Variants in PHACTR4 observed in about 807,000 individuals in gnomAD.
PHACTR4 encodes protein phosphatase 1, regulatory subunit 124.
PHACTR4 carries 51 observed loss-of-function variants against 72.7 expected under a neutral mutation model. The ratio of observed to expected loss-of-function variants is 0.70; its 90% CI spans 0.56 to 0.89. The LOEUF (loss-of-function observed/expected upper bound fraction) is 0.89. Ranked by LOEUF, PHACTR4 falls within the 40% of genes least tolerant of loss-of-function variation. The pLI is 0.00. For missense variants in PHACTR4, 731 were observed against 861.8 expected (o/e 0.85, Z 1.90); for synonymous variants, 255 against 302.5 (o/e 0.84, Z 1.63).
chr1:28,450,180 C>T (rs1298024522), intron 2 of PHACTR4, among the ~76,000 whole-genome samples: 1 of 152,078 alleles, frequency 6.6e-6, no homozygotes, highest in East Asian at 1.9e-4. Flanking sequence ...TTCCTAATGG[C>T]CTGTAGCTAC....
chr1:28,453,900 T>C (rs993042588), intron 2 of PHACTR4: 11 of 810,642 alleles, frequency 1.4e-5, no homozygotes, highest in Non-Finnish European at 2.0e-5. Flanking sequence ...GGACCCTGGA[T>C]GTAATTCAGG....
At chr1:28,409,910 C>T (rs1016817762) in intron 2 of PHACTR4, among the ~76,000 whole-genome samples, 2 of 148,540 alleles carry the variant, frequency 1.3e-5, no homozygotes, top group Non-Finnish European at 1.5e-5. Flanking sequence ...TAGATCCATC[C>T]TTAGTTTGAA....
chr1:28,415,655 A>G (rs539190736), intron 2 of PHACTR4, among the ~76,000 whole-genome samples: 1 of 152,342 alleles, frequency 6.6e-6, no homozygotes, highest in East Asian at 1.9e-4. Context: ...TTGTATAAAT[A>G]TGAACATGAC....
In PHACTR4 at chr1:28,420,274, C is replaced by T. The variant is rs191867608; in HGVS notation, c.16+12811C>T. On this transcript the variant is annotated intron_variant, in intron 2 of 13. Coordinates refer to ENST00000373839, the MANE Select transcript of PHACTR4 (RefSeq NM_001048183.3). ...AACCCCATAATGCCTATCATCCCCA[C>T]GTGTCAAGGTAGAGACCAGGTGGAG... Among the ~76,000 whole-genome samples, 70 of 152,206 alleles carry T rather than the reference C, an allele frequency of 4.6e-4. 1 individual carries two copies. The highest frequency in any genetic ancestry group is 1.5e-3 in the African/African-American group (64 of 41,546).
intron 1 of PHACTR4, among the ~76,000 whole-genome samples, chr1:28,390,195 C>T (rs1294970160): frequency 6.6e-6 from 1 of 152,084 alleles, no homozygotes; most frequent in Non-Finnish European, 1.5e-5. Context: ...GGCTGGAGTA[C>T]GGTGGCTATT....
chr1:28,375,198 C>T (rs1037508871), intron 1 of PHACTR4, among the ~76,000 whole-genome samples: 4 of 152,096 alleles, frequency 2.6e-5, no homozygotes, highest in Non-Finnish European at 5.9e-5. Context: ...ACTTGGGAGG[C>T]TGAGGCATGA....
At chr1:28,398,882 A>G (rs1653737032) in intron 1 of PHACTR4, among the ~76,000 whole-genome samples, 1 of 152,086 alleles carries the variant, frequency 6.6e-6, no homozygotes, top group Non-Finnish European at 1.5e-5. Context: ...TTTTGAGGCA[A>G]TAGTTTTATC....
chr1:28,458,619 A>G (rs1186580724), intron 2 of PHACTR4, among the ~76,000 whole-genome samples: 1 of 152,176 alleles, frequency 6.6e-6, no homozygotes, highest in African/African-American at 2.4e-5. Flanking sequence ...TAATTTGATG[A>G]GCAGATATAA....
At chr1:28,478,005 A>G (rs955304626) in intron 8 of PHACTR4, among the ~76,000 whole-genome samples, 4 of 151,904 alleles carry the variant, frequency 2.6e-5, no homozygotes, top group Non-Finnish European at 5.9e-5. Context: ...TATTTCTTCT[A>G]TCTAATTCTG....
At chr1:28,447,744 G>A (rs1657588183) in intron 2 of PHACTR4, among the ~76,000 whole-genome samples, 1 of 152,108 alleles carries the variant, frequency 6.6e-6, no homozygotes, top group Non-Finnish European at 1.5e-5. Context: ...ATCATAGGCA[G>A]AAAACTATTT....
chr1:28,396,845 C>CTTTTCTTTT (rs1653543925), intron 1 of PHACTR4, among the ~76,000 whole-genome samples: 2 of 119,666 alleles, frequency 1.7e-5, no homozygotes, highest in African/African-American at 6.5e-5. Flanking sequence ...TTCTTTCTTT[C>CTTTTCTTTT]TTTTTTTTTT....
chr1:28,404,317 C>G (rs1046194989), intron 1 of PHACTR4, among the ~76,000 whole-genome samples: 2 of 121,922 alleles, frequency 1.6e-5, no homozygotes, highest in Non-Finnish European at 3.2e-5. Context: ...GAGTTTTGCT[C>G]TGTAACCCAG....
At position 28,491,640 on chromosome 1, in the gene PHACTR4, T is replaced by G. The variant is rs765809468; in HGVS notation, c.1879-10T>G. The stretch of plus-strand genomic sequence containing the variant: ...TGGCTTGGTGAACTAAGAGGCTCCG[T>G]TTCCTTCAGCTCAGTCAAAGGCCAA... On this transcript the variant is annotated splice_polypyrimidine_tract_variant and intron_variant, in intron 11 of 13. Transcript: ENST00000373839. 5.0e-6 allele frequency: 8 copies of G among 1,613,928 alleles called. No individual in the cohort carries two copies. In the South Asian group the frequency reaches 7.7e-5, roughly 16 times the overall value.
chr1:28,447,716 A>C (rs1240938302), intron 2 of PHACTR4, among the ~76,000 whole-genome samples: 3 of 152,082 alleles, frequency 2.0e-5, no homozygotes, highest in African/African-American at 4.8e-5. Flanking sequence ...TGGTAAAGCA[A>C]CTTCACTTCT....
intron 8 of PHACTR4, among the ~76,000 whole-genome samples, chr1:28,479,720 G>A (rs115871141): frequency 0.011 from 1,666 of 150,832 alleles, 26 homozygotes; most frequent in African/African-American, 0.037. Flanking sequence ...CCCGAAACCC[G>A]GTGTCTACTA....
chr1:28,430,728 A>G (rs1237555775), intron 2 of PHACTR4, among the ~76,000 whole-genome samples: 2 of 152,214 alleles, frequency 1.3e-5, no homozygotes, highest in Non-Finnish European at 2.9e-5. Flanking sequence ...ATCTCAAGCC[A>G]TAAGAAAGAA....
At position 28,462,492 on chromosome 1, in the gene PHACTR4, C is replaced by T. The variant is rs567316509; in HGVS notation, c.271+2200C>T. 2.6e-3 allele frequency among the ~76,000 whole-genome samples: 392 copies of T among 152,170 alleles called. 3 individuals carry two copies. The highest frequency in any genetic ancestry group is 2.5e-3 in the Non-Finnish European group (171 of 68,004). ...AAGCAATTCTCCTTCCTCAGCCTCC[C>T]GAGTAGCTGGAATTATAGGCATGCA... On this transcript the variant is annotated intron_variant, in intron 4 of 13. Transcript: ENST00000373839.
intron 1 of PHACTR4, among the ~76,000 whole-genome samples, chr1:28,399,596 G>A (rs964234733): frequency 6.6e-6 from 1 of 152,032 alleles, no homozygotes; most frequent in Admixed American, 6.6e-5. Context: ...TATTTATTCA[G>A]TAAGTATTTT....
At chr1:28,398,760 A>C (rs752514895) in intron 1 of PHACTR4, among the ~76,000 whole-genome samples, 1 of 152,114 alleles carries the variant, frequency 6.6e-6, no homozygotes, top group Non-Finnish European at 1.5e-5. Context: ...TGGAGGTTGC[A>C]GTGAGCCAAG....
Sources: gnomAD v4.1 joint callset for allele counts (sites outside exome capture counted in the v4.1 genomes callset) on GRCh38, gnomAD v4.1.1 for gene constraint, MANE v1.5 for transcripts, NCBI Gene and HGNC (gene_info 2026-07-23, HGNC 2026-07-21) for gene names.